The following MPZL1 variants were observed in gnomAD, a reference collection of about 807,000 sequenced individuals.
The protein encoded by MPZL1 is myelin protein zero-like protein 1.
MPZL1 carries 16 observed loss-of-function variants against 29.3 expected under a neutral mutation model. The observed-to-expected ratio is 0.55, with a 90% CI of 0.37 to 0.83. The LOEUF (loss-of-function observed/expected upper bound fraction) is 0.83. Ranked by LOEUF, MPZL1 falls within the 40% of genes least tolerant of loss-of-function variation. The pLI is 0.00. For missense variants in MPZL1, 279 were observed against 332.9 expected (o/e 0.84, Z 1.26); for synonymous variants, 143 against 132.0 (o/e 1.08, Z -0.57).
chr1:167,771,469 G>T (rs369605491), intron 2 of MPZL1, among the ~76,000 whole-genome samples: 2 of 151,856 alleles, frequency 1.3e-5, no homozygotes, highest in African/African-American at 2.4e-5. Flanking sequence ...TGACAAAACC[G>T]CCATCGTCAT....
Position 167,765,686 on chromosome 1 carries a change from G to C in MPZL1, c.195G>C (p.Thr65=), listed in dbSNP as rs150711804. 6.2e-6 allele frequency: 10 copies of C among 1,613,234 alleles called. No individual in the cohort carries two copies. The highest frequency in any genetic ancestry group is 2.7e-5 in the African/African-American group (2 of 74,896). The change falls in exon 2 of 6, where the codon ACG becomes ACC. Residue 65 remains threonine, a synonymous_variant. Coordinates refer to ENST00000359523, the MANE Select transcript of MPZL1 (RefSeq NM_003953.6). The part of the protein sequence containing the change: ...KLTCKFKSTS[T]TGGLTSVSWS... ...CCTGCAAGTTCAAGTCTACTAGTAC[G>C]ACTGGCGGGTTGACCTCAGTCTCCT...
chr1:167,744,822 C>G (rs774127911), intron 1 of MPZL1, among the ~76,000 whole-genome samples: 26 of 152,046 alleles, frequency 1.7e-4, no homozygotes, highest in Non-Finnish European at 3.4e-4. Flanking sequence ...AAATTTATTT[C>G]CATTAAATTG....
intron 5 of MPZL1, among the ~76,000 whole-genome samples, chr1:167,780,679 A>G (rs1661479313): frequency 6.6e-6 from 1 of 152,162 alleles, no homozygotes; most frequent in Non-Finnish European, 1.5e-5. Flanking sequence ...AATATCCCAT[A>G]CCCTACAGTG....
chr1:167,751,544 G>A (rs984001584), intron 1 of MPZL1, among the ~76,000 whole-genome samples: 1 of 151,780 alleles, frequency 6.6e-6, no homozygotes, highest in African/African-American at 2.4e-5. Context: ...GGTGGCTCGC[G>A]CCTGTAATCC....
At chr1:167,771,894 C>T (rs1661258077) in intron 2 of MPZL1, among the ~76,000 whole-genome samples, 1 of 152,150 alleles carries the variant, frequency 6.6e-6, no homozygotes, top group African/African-American at 2.4e-5. Context: ...GAGGCTGAGG[C>T]AGGCAGAACA....
At chr1:167,785,261 C>T (rs1194213121) in intron 5 of MPZL1, among the ~76,000 whole-genome samples, 1 of 152,230 alleles carries the variant, frequency 6.6e-6, no homozygotes, top group East Asian at 1.9e-4. Context: ...GTCTCACTTA[C>T]AGTCTAACCA....
intron 1 of MPZL1, among the ~76,000 whole-genome samples, chr1:167,742,812 A>G (rs146779182): frequency 1.3e-5 from 2 of 152,118 alleles, no homozygotes; most frequent in Non-Finnish European, 2.9e-5. Context: ...ATTTTTGTAT[A>G]AGGTGAGAGA....
In MPZL1 at chr1:167,791,782, G is replaced by A. The variant is rs920395749; in HGVS notation, c.*3861G>A. On this transcript the variant is annotated 3_prime_UTR_variant, in exon 6 of 6. Transcript: ENST00000359523. ...TGGTTAGAGAGTCCCTTAGGAACTTGAGAGGGTAGTGTAGTCTAGGTGGTA... is the reference window on the plus strand; with the variant it reads ...TGGTTAGAGAGTCCCTTAGGAACTTAAGAGGGTAGTGTAGTCTAGGTGGTA... 1 of 152,234 alleles carries A rather than the reference G, an allele frequency of 6.6e-6. No individual in the cohort carries two copies. The highest frequency in any genetic ancestry group is 2.4e-5 in the African/African-American group (1 of 41,456). 9.4% of individuals were successfully genotyped at this position (152,234 alleles called of 1,614,324 possible).
chr1:167,763,847 C>G (rs556644497), intron 1 of MPZL1, among the ~76,000 whole-genome samples: 2 of 152,276 alleles, frequency 1.3e-5, no homozygotes, highest in East Asian at 3.9e-4. Flanking sequence ...AATCCACCCT[C>G]TTTCGCAGAA....
chr1:167,740,354 C>T (rs915633624), intron 1 of MPZL1, among the ~76,000 whole-genome samples: 12 of 152,190 alleles, frequency 7.9e-5, no homozygotes, highest in African/African-American at 2.9e-4. Flanking sequence ...CCCACAGCTG[C>T]CTCTGCCACT....
chr1:167,775,159 C>T lies in MPZL1; in HGVS notation c.606-905C>T, dbSNP rs769203129. Among the ~76,000 whole-genome samples, 79 of 152,206 alleles carry T rather than the reference C, an allele frequency of 5.2e-4. No homozygotes were observed. In the Middle Eastern group the frequency reaches 0.017, roughly 33 times the overall value. ...TATTATGTTATCAATATTTAAGATC[C>T]TGACTGATTATGTATTAGAATAATT... On this transcript the variant is annotated intron_variant, in intron 4 of 5. Transcript: ENST00000359523.
At chr1:167,738,577 GGA>G (rs1660431035) in intron 1 of MPZL1, among the ~76,000 whole-genome samples, 1 of 152,144 alleles carries the variant, frequency 6.6e-6, no homozygotes, top group South Asian at 2.1e-4. Context: ...GGAACTGGTG[GGA>G]GGTGATTGGA....
chr1:167,735,857 A>G (rs12069993), intron 1 of MPZL1, among the ~76,000 whole-genome samples: 42,220 of 152,036 alleles, frequency 0.28, 6,559 homozygotes, highest in African/African-American at 0.41. Flanking sequence ...GAAATAACTA[A>G]TGAATTTTAA....
intron 4 of MPZL1, 107 bp from the exon 5 acceptor site, chr1:167,775,957 T>C: frequency 1.6e-6 from 1 of 643,524 alleles, no homozygotes; most frequent in Non-Finnish European, 2.4e-6. Flanking sequence ...TTTGTTTTTA[T>C]ATATCTGTTG....
intron 2 of MPZL1, among the ~76,000 whole-genome samples, chr1:167,771,019 T>A (rs1288433118): frequency 6.6e-6 from 1 of 151,268 alleles, no homozygotes; most frequent in Non-Finnish European, 1.5e-5. Context: ...TTTTTTTTTT[T>A]AATTGATCAT....
chr1:167,729,515 AG>A lies in MPZL1; in HGVS notation c.91+7275del, dbSNP rs1181631827. ...TAATAGTTATTCTCTAGTCAAGTCC[AG>A]GTTATCATTGCTATATACTTTCTTC... On this transcript the variant is annotated intron_variant, in intron 1 of 5. Coordinates refer to ENST00000359523, the MANE Select transcript of MPZL1 (RefSeq NM_003953.6). Among the ~76,000 whole-genome samples, 15 of 152,332 alleles carry A rather than the reference AG, an allele frequency of 9.8e-5. 1 individual carries two copies. Among genetic ancestry groups the A allele is most frequent in the Admixed American group, 2.0e-4 (3 of 15,300 alleles).
intron 1 of MPZL1, among the ~76,000 whole-genome samples, chr1:167,763,994 AGTC>A (rs1558119960): frequency 6.6e-6 from 1 of 152,192 alleles, no homozygotes; most frequent in African/African-American, 2.4e-5. Flanking sequence ...CTTGGCTGAG[AGTC>A]AGTTAAGTCT....
chr1:167,741,347 T>TC (rs1236696538), intron 1 of MPZL1, among the ~76,000 whole-genome samples: 4 of 130,406 alleles, frequency 3.1e-5, no homozygotes, highest in East Asian at 2.3e-4. Context: ...TTTTTTTTTT[T>TC]CCTGACAAGG....
chr1:167,753,059 G>A (rs948206542), intron 1 of MPZL1, among the ~76,000 whole-genome samples: 3 of 152,162 alleles, frequency 2.0e-5, no homozygotes, highest in Non-Finnish European at 2.9e-5. Context: ...GTGTGTCTTC[G>A]GTAGACTACA....
Sources: gnomAD v4.1 joint callset for allele counts (sites outside exome capture counted in the v4.1 genomes callset) on GRCh38, gnomAD v4.1.1 for gene constraint, MANE v1.5 for transcripts, NCBI Gene and HGNC (gene_info 2026-07-23, HGNC 2026-07-21) for gene names.